Variants in ACAA1 observed in about 807,000 individuals in gnomAD.
ACAA1 encodes the protein acetyl-CoA acyltransferase 1.
In ACAA1, 44 loss-of-function variants were observed where a neutral mutation model predicts 48.8. That is an observed-to-expected ratio of 0.90 (90% CI 0.71 to 1.16). The LOEUF (loss-of-function observed/expected upper bound fraction) is 1.16. Among genes scored for constraint, ACAA1 ranks in the 50% most tolerant of loss-of-function variants. The pLI is 0.00. For missense variants in ACAA1, 512 were observed against 562.3 expected (o/e 0.91, Z 0.90); for synonymous variants, 233 against 226.5 (o/e 1.03, Z -0.26).
intron 5 of ACAA1, among the ~76,000 whole-genome samples, chr3:38,130,413 C>T (rs1700763393): frequency 6.6e-6 from 1 of 152,210 alleles, no homozygotes; most frequent in South Asian, 2.1e-4. Flanking sequence ...AGACTGAGGT[C>T]TAGAGAGACT....
At position 38,123,007 on chromosome 3, in the gene ACAA1, G is replaced by A; in HGVS notation, c.*40C>T. ...GTGTTACTGCCTTGCTGCTAGAGCA[G>A]CAGGACTGTCTGCGTAGCGCCTCCA... is the stretch of plus-strand genomic sequence containing the variant. On this transcript the variant is annotated 3_prime_UTR_variant, in exon 12 of 12. Transcript: ENST00000333167. The A allele has an allele frequency of 6.2e-7, 1 of 1,603,206 alleles. No individual in the cohort carries two copies.
intron 3 of ACAA1, among the ~76,000 whole-genome samples, chr3:38,133,254 G>A (rs1315277860): frequency 2.0e-5 from 3 of 152,136 alleles, no homozygotes; most frequent in Admixed American, 1.3e-4. Flanking sequence ...CCGGCTGAAC[G>A]AAGAAAAGTC....
Position 38,126,099 on chromosome 3 carries a change from A to T in ACAA1, c.997+63T>A. ...GGACCACCCTCATGCCCCTGGCAACAGCATGCAGGGCAGCTGCAGGATCCA... is the reference window on the plus strand; with the variant it reads ...GGACCACCCTCATGCCCCTGGCAACTGCATGCAGGGCAGCTGCAGGATCCA... On this transcript the variant is annotated intron_variant, in intron 9 of 11. Coordinates refer to ENST00000333167, the MANE Select transcript of ACAA1 (RefSeq NM_001607.4). This position sits in a 1 kb window ranked among gnomAD's most constrained non-coding sequence, Gnocchi z 4.7. The T allele has an allele frequency of 6.4e-7, 1 of 1,569,190 alleles. No homozygotes were observed. Among genetic ancestry groups the T allele is most frequent in the Admixed American group, 1.7e-5 (1 of 57,254 alleles).
rs2011003 is a variant in ACAA1, at chr3:38,126,562, C to T, written c.765G>A (p.Glu255=). The T allele has an allele frequency of 1.2e-6, 2 of 1,614,230 alleles. No homozygotes were observed. The highest frequency in any genetic ancestry group is 8.5e-7 in the Non-Finnish European group (1 of 1,180,044). The change falls in exon 8 of 12, where the codon GAG becomes GAA. Residue 255 remains glutamate (E), a synonymous_variant. Coordinates refer to ENST00000333167, the MANE Select transcript of ACAA1 (RefSeq NM_001607.4). This position sits in a 1 kb window ranked among gnomAD's most constrained non-coding sequence, Gnocchi z 4.7. ...AGGCAGGCTTCAGTTTGGCCAGGCC[C>T]TCCATGGTGGTGCTGGGGCGGATAC... is the stretch of plus-strand genomic sequence containing the variant. ...DEGIRPSTTM[E]GLAKLKPAFK...
rs1169979750 is a variant in ACAA1 at position 38,126,223 on chromosome 3, G to T, written c.936C>A (p.Val312=). ...GTCCAATGCCCATGATGTCAGGTGG[G>T]ACCCCAACCACTGCATAAGACCTCA... The part of the protein sequence containing the change: ...GVLRSYAVVG[V]PPDIMGIGPA... Residue 312 remains valine (V), a synonymous_variant, in exon 9 of 12, where the codon GTC becomes GTA. Transcript: ENST00000333167. The surrounding 1 kb of genome is among the most constrained non-coding windows in gnomAD (Gnocchi z 4.7). 1 of 1,614,044 alleles carries T rather than the reference G, an allele frequency of 6.2e-7. No homozygotes were observed. The highest frequency in any genetic ancestry group is 1.1e-5 in the South Asian group (1 of 91,062).
chr3:38,130,903 TG>T (rs1700773669), intron 5 of ACAA1, among the ~76,000 whole-genome samples: 1 of 152,220 alleles, frequency 6.6e-6, no homozygotes, highest in Non-Finnish European at 1.5e-5. Context: ...GTCAGAACCC[TG>T]GGGCTGCTCA....
In ACAA1 at chr3:38,137,109, A is replaced by T; in HGVS notation, c.-74T>A. On this transcript the variant is annotated 5_prime_UTR_variant, in exon 1 of 12. Coordinates refer to ENST00000333167, the MANE Select transcript of ACAA1 (RefSeq NM_001607.4). ...GGAGTTAACAGACAGCCGTCCGCAC[A>T]CGCGCAGAACCACATCTCAGCCTCC... 13 of 1,237,838 alleles carry T rather than the reference A, an allele frequency of 1.1e-5. No individual in the cohort carries two copies. The highest frequency in any genetic ancestry group is 1.2e-5 in the Non-Finnish European group (11 of 904,474). 76.7% of individuals were successfully genotyped at this position (1,237,838 alleles called of 1,614,324 possible). A position where few individuals can be genotyped will look rare whatever the true frequency, so the allele number is the denominator to read the frequency against.
chr3:38,123,168 T>C, intron 11 of ACAA1, 46 bp from the exon 12 acceptor site: 1 of 1,581,488 alleles, frequency 6.3e-7, no homozygotes, highest in African/African-American at 1.3e-5. Context: ...ACCCACCAAA[T>C]TACCTCCAGA....
Position 38,126,476 on chromosome 3 carries a change from G to A in ACAA1, c.817+34C>T, listed in dbSNP as rs1441569864. 6.2e-7 allele frequency: 1 copy of A among 1,614,116 alleles called. No homozygotes were observed. ...ACAGCACCCAGCATGGCCATGGCCT[G>A]CTTTCTCATACCCCTACCCCGGACC... On this transcript the variant is annotated intron_variant, in intron 8 of 11. Transcript: ENST00000333167. This position sits in a 1 kb window ranked among gnomAD's most constrained non-coding sequence, Gnocchi z 4.7.
At chr3:38,132,087 G>GC (rs1222925255) in intron 3 of ACAA1, 82 bp from the exon 4 acceptor site, 41 of 1,290,846 alleles carry the variant, frequency 3.2e-5, no homozygotes, top group Non-Finnish European at 4.1e-5. Flanking sequence ...GCTTCTAACT[G>GC]CCCCCCTCAA....
chr3:38,127,603 G>A, intron 7 of ACAA1, 183 bp downstream of exon 7: 1 of 628,038 alleles, frequency 1.6e-6, no homozygotes. Flanking sequence ...GAACCTGGAA[G>A]TACTACCAAC....
Position 38,126,463 on chromosome 3 carries a change from A to G in ACAA1, c.817+47T>C. 6.2e-7 allele frequency: 1 copy of G among 1,613,844 alleles called. No homozygotes were observed. The highest frequency in any genetic ancestry group is 8.5e-7 in the Non-Finnish European group (1 of 1,179,796). ...AGGTTCCCAGAGTACAGCACCCAGC[A>G]TGGCCATGGCCTGCTTTCTCATACC... On this transcript the variant is annotated intron_variant, in intron 8 of 11. Coordinates refer to ENST00000333167, the MANE Select transcript of ACAA1 (RefSeq NM_001607.4). The surrounding 1 kb of genome is among the most constrained non-coding windows in gnomAD (Gnocchi z 4.7).
At chr3:38,134,570 GT>G (rs1325491590) in intron 2 of ACAA1, 2 of 453,380 alleles carry the variant, frequency 4.4e-6, no homozygotes, top group African/African-American at 4.0e-5. Context: ...AAGAAAAATT[GT>G]TTCTGCTTTG....
chr3:38,137,044 T>G lies in ACAA1; in HGVS notation c.-9A>C. Reference sequence around the variant, plus strand: ...ACCTGCAGCCTCTGCATTGCGCAGGTCAACCCTGCAGACCAGCCACCAGTC... The same window carrying G: ...ACCTGCAGCCTCTGCATTGCGCAGGGCAACCCTGCAGACCAGCCACCAGTC... On this transcript the variant is annotated 5_prime_UTR_variant, in exon 1 of 12. An upstream open reading frame in the 5' UTR loses its in-frame stop. Coordinates refer to ENST00000333167, the MANE Select transcript of ACAA1 (RefSeq NM_001607.4). 1 of 1,554,348 alleles carries G rather than the reference T, an allele frequency of 6.4e-7. No individual in the cohort carries two copies. Among genetic ancestry groups the G allele is most frequent in the Non-Finnish European group, 8.7e-7 (1 of 1,152,994 alleles).
At chr3:38,125,445 T>G (rs1247685898) in intron 11 of ACAA1, 120 bp downstream of exon 11, 3 of 1,244,836 alleles carry the variant, frequency 2.4e-6, no homozygotes, top group Admixed American at 5.3e-5. Flanking sequence ...GGGATTATGG[T>G]GCTCAGGACT....
At chr3:38,133,871 C>A (rs1399912382) in intron 3 of ACAA1, 81 bp downstream of exon 3, 1 of 1,472,696 alleles carries the variant, frequency 6.8e-7, no homozygotes, top group Non-Finnish European at 9.5e-7. Context: ...TCCTCCCCAA[C>A]CTGCACACTG....
Position 38,129,472 on chromosome 3 carries a change from T to G in ACAA1, c.447-84A>C. 1 of 1,119,306 alleles carries G rather than the reference T, an allele frequency of 8.9e-7. No individual in the cohort carries two copies. 69.3% of individuals were successfully genotyped at this position (1,119,306 alleles called of 1,614,324 possible). ...CAGAGATAGCTGAACACTTGGCAAG[T>G]GCTAGGAAATAGCCAGGGAGCCCTA... On this transcript the variant is annotated intron_variant, in intron 5 of 11. Coordinates refer to ENST00000333167, the MANE Select transcript of ACAA1 (RefSeq NM_001607.4). The surrounding 1 kb of genome is among the most constrained non-coding windows in gnomAD (Gnocchi z 5.3).
intron 11 of ACAA1, 67 bp from the exon 12 acceptor site, chr3:38,123,189 C>T: frequency 6.7e-7 from 1 of 1,485,838 alleles, no homozygotes; most frequent in Non-Finnish European, 9.4e-7. Context: ...CCAGGCTGAC[C>T]CAGAAGGACG....
In ACAA1 at chr3:38,126,249, G is replaced by T. The variant is rs4345105; in HGVS notation, c.910C>A (p.Leu304Met). The change falls in exon 9 of 12, where the codon CTG becomes ATG. Residue 304 changes from leucine to methionine, a missense_variant. Coordinates refer to ENST00000333167, the MANE Select transcript of ACAA1 (RefSeq NM_001607.4). The surrounding 1 kb of genome is among the most constrained non-coding windows in gnomAD (Gnocchi z 4.7). ...EELGLPILGV[L>M]RSYAVVGVPP... ...ACCCCAACCACTGCATAAGACCTCAGGACCCCAAGGATGGGAAGGCCCAAC... is the reference window on the plus strand; with the variant it reads ...ACCCCAACCACTGCATAAGACCTCATGACCCCAAGGATGGGAAGGCCCAAC... 1 of 1,614,142 alleles carries T rather than the reference G, an allele frequency of 6.2e-7. No individual in the cohort carries two copies. The highest frequency in any genetic ancestry group is 2.2e-5 in the East Asian group (1 of 44,888).
Sources: gnomAD v4.1 joint callset for allele counts (sites outside exome capture counted in the v4.1 genomes callset) on GRCh38, gnomAD v4.1.1 for gene constraint, Gnocchi (gnomAD v3.1) non-coding constraint, MANE v1.5 for transcripts, NCBI Gene and HGNC (gene_info 2026-07-23, HGNC 2026-07-21) for gene names.